RELA: variants seen among roughly 807,000 people sequenced by gnomAD.
RELA encodes the protein transcription factor p65.
A neutral mutation model predicts 56.7 loss-of-function variants in RELA; 14 were observed. The observed-to-expected ratio is 0.25, with a 90% confidence interval of 0.16 to 0.39. The LOEUF (loss-of-function observed/expected upper bound fraction) is 0.39. Ranked by LOEUF, RELA falls within the 10% of genes least tolerant of loss-of-function variation. The probability of loss-of-function intolerance (pLI) is 1.00; values close to 1 mark genes in which losing one functional copy is unlikely to be tolerated. For synonymous variants in RELA, 315 were observed against 289.7 expected, an observed-to-expected ratio of 1.09 and a Z score of -0.89; for missense variants, 559 against 736.4, an observed-to-expected ratio of 0.76 and a Z score of 2.79.
At chr11:65,655,793 C>G (rs756713437) in intron 9 of RELA, 31 bp from the exon 10 acceptor site, 1 of 1,613,482 alleles carries the variant, frequency 6.2e-7, no homozygotes, top group East Asian at 2.2e-5. Flanking sequence ...CAGTTCTCAG[C>G]CCCAGGGTGT....
Position 65,658,854 on chromosome 11 carries a change from G to C in RELA, c.560-32C>G. ...CAGTGAAAACAAGGGAGGATGACCT[G>C]AGCCACGAGAGGTCCCCAGGGTGGC... On this transcript the variant is annotated intron_variant, in intron 6 of 10. Transcript: ENST00000406246. This position sits in a 1 kb window ranked among gnomAD's most constrained non-coding sequence, Gnocchi z 4.5. 1.9e-6 allele frequency: 3 copies of C among 1,573,268 alleles called. No homozygotes were observed. The highest frequency in any genetic ancestry group is 8.7e-7 in the Non-Finnish European group (1 of 1,143,044).
intron 1 of RELA, chr11:65,662,586 G>A (rs1697441679): frequency 2.6e-6 from 1 of 382,286 alleles, no homozygotes. Context: ...CTGAGTCAAG[G>A]TTCCCTCTGC....
At position 65,654,529 on chromosome 11, in the gene RELA, C is replaced by T. The variant is rs1181568528; in HGVS notation, c.1505G>A (p.Arg502His). ...MLMEYPEAIT[R>H]LVTGAQRPPD... ...GGGCCTCTGGGCCCCTGTCACTAGGCGAGTTATAGCCTCAGGGTACTCCAT... is the reference window on the plus strand; with the variant it reads ...GGGCCTCTGGGCCCCTGTCACTAGGTGAGTTATAGCCTCAGGGTACTCCAT... The change falls in exon 11 of 11, where the codon CGC (arginine) becomes CAC (histidine). Residue 502 changes from arginine to histidine, a missense_variant. Around this residue, in one of 4 missense-constraint regions of RELA, gnomAD observed 365 missense variants for 387.5 expected, o/e 0.94. Transcript: ENST00000406246. The T allele has an allele frequency of 1.1e-5, 18 of 1,609,416 alleles. No individual in the cohort carries two copies. Among genetic ancestry groups the T allele is most frequent in the South Asian group, 3.3e-5 (3 of 90,398 alleles).
In RELA at chr11:65,653,988, T is replaced by C; in HGVS notation, c.*390A>G. 3.2e-6 allele frequency: 1 copy of C among 316,618 alleles called. No homozygotes were observed. Among genetic ancestry groups the C allele is most frequent in the South Asian group, 2.6e-5 (1 of 39,066 alleles). 19.6% of individuals were successfully genotyped at this position (316,618 alleles called of 1,614,324 possible). A position where few individuals can be genotyped will look rare whatever the true frequency, so the allele number is the denominator to read the frequency against. ...TGATTAAGCTGTAATGAATCCATGA[T>C]GGAAGACACTTGATAAGGCTTTGTG... On this transcript the variant is annotated 3_prime_UTR_variant, in exon 11 of 11. Transcript: ENST00000406246.
At chr11:65,662,260 G>A (rs1056752653) in intron 1 of RELA, 55 bp from the exon 2 acceptor site, 14 of 1,485,808 alleles carry the variant, frequency 9.4e-6, no homozygotes, top group Admixed American at 2.6e-5. Flanking sequence ...TTCTCACAAG[G>A]AGGAATCTGC....
At chr11:65,659,583 T>C (rs1856511680) in intron 6 of RELA, 83 bp downstream of exon 6, 5 of 1,552,906 alleles carry the variant, frequency 3.2e-6, no homozygotes, top group Admixed American at 3.5e-5. Flanking sequence ...CCAGAGCGCC[T>C]CTTGCAGGCC....
chr11:65,656,955 G>A (rs1028712863), intron 8 of RELA, among the ~76,000 whole-genome samples: 24 of 152,258 alleles, frequency 1.6e-4, no homozygotes, highest in South Asian at 4.1e-4. Flanking sequence ...GAACCCGGGA[G>A]GTGGAGGTTG....
rs2135560590 is a variant in RELA at position 65,658,585 on chromosome 11, C to T, written c.665-86G>A. 2 of 1,407,754 alleles carry T rather than the reference C, an allele frequency of 1.4e-6. No homozygotes were observed. Among genetic ancestry groups the T allele is most frequent in the East Asian group, 2.3e-5 (1 of 43,426 alleles). 87.2% of individuals were successfully genotyped at this position (1,407,754 alleles called of 1,614,324 possible). The stretch of plus-strand genomic sequence containing the variant: ...AACTTCTGATGCTTGTCTTCTGATA[C>T]ATCACCCTTCGGCCCACCTGAGGCC... On this transcript the variant is annotated intron_variant, in intron 7 of 10. Transcript: ENST00000406246. The surrounding 1 kb of genome is among the most constrained non-coding windows in gnomAD (Gnocchi z 4.5).
chr11:65,653,799 GGA>G lies in RELA; in HGVS notation c.*577_*578del, dbSNP rs150653121. On this transcript the variant is annotated 3_prime_UTR_variant, in exon 11 of 11. Transcript: ENST00000406246. ...CCAGACCAAACCCCTTCTGGATCCT[GGA>G]GAGAGCCAGTGCTGTTGCACTGGTT... is the stretch of plus-strand genomic sequence containing the variant. The G allele has an allele frequency of 2.3e-3, 379 of 162,992 alleles. 14 individuals are homozygous for G. The East Asian group carries it at 0.064, about 27-fold the overall frequency. 10.1% of individuals were successfully genotyped at this position (162,992 alleles called of 1,614,324 possible).
At chr11:65,657,104 G>A (rs1208181644) in intron 8 of RELA, among the ~76,000 whole-genome samples, 4 of 152,126 alleles carry the variant, frequency 2.6e-5, no homozygotes, top group Admixed American at 2.0e-4. Flanking sequence ...AACAATACTG[G>A]AAGTGAGGTC....
chr11:65,660,083 G>GT, intron 5 of RELA, 41 bp downstream of exon 5: 1 of 1,575,756 alleles, frequency 6.3e-7, no homozygotes, highest in Non-Finnish European at 8.7e-7. Flanking sequence ...GCTGGGGAGG[G>GT]TGACAGAGGG....
At chr11:65,656,608 A>C (rs1388175985) in intron 8 of RELA, among the ~76,000 whole-genome samples, 1 of 152,166 alleles carries the variant, frequency 6.6e-6, no homozygotes, top group Non-Finnish European at 1.5e-5. Context: ...TCAAGCACCT[A>C]CTATGTGCCA....
upstream of RELA, chr11:65,663,039 A>T (rs891584270): frequency 3.6e-6 from 1 of 280,168 alleles, no homozygotes; most frequent in African/African-American, 2.3e-5. Context: ...AAGAGGCTGC[A>T]CGCACAGCCG....
rs747628708 is a variant in RELA at position 65,655,943 on chromosome 11, A to G, written c.878-8T>C. On this transcript the variant is annotated splice_polypyrimidine_tract_variant and splice_region_variant and intron_variant, in intron 8 of 10. Transcript: ENST00000406246. ...CAATCCGGTGACGATCGTCTGGGAA[A>G]GTAAGGGGGAGAAGTGGGACTTGCT... 6.8e-6 allele frequency: 11 copies of G among 1,613,572 alleles called. No individual in the cohort carries two copies. The highest frequency in any genetic ancestry group is 9.3e-6 in the Non-Finnish European group (11 of 1,179,700).
At chr11:65,657,382 C>T (rs371226623) in intron 8 of RELA, among the ~76,000 whole-genome samples, 15 of 152,180 alleles carry the variant, frequency 9.9e-5, no homozygotes, top group African/African-American at 3.4e-4. Context: ...GCAACATTTC[C>T]AGAATGGCCT....
chr11:65,661,932 C>A lies in RELA; in HGVS notation c.186+5G>T, dbSNP rs777507849. ...CTTCCCCGCACACCCTGGCGCAGTG[C>A]TGACCTTGATGGTGGGGTGGGTCTT... On this transcript the variant is annotated splice_donor_5th_base_variant and intron_variant, in intron 3 of 10. Coordinates refer to ENST00000406246, the MANE Select transcript of RELA (RefSeq NM_021975.4). 1.2e-6 allele frequency: 2 copies of A among 1,612,550 alleles called. No individual in the cohort carries two copies. The highest frequency in any genetic ancestry group is 1.7e-6 in the Non-Finnish European group (2 of 1,179,218).
chr11:65,661,845 G>A lies in RELA; in HGVS notation c.187-10C>T, dbSNP rs771752768. ...CTGTGTAGCCATTGATCTGTCCAAAGTACAGAGGCCCAGACATCCAAACCT... is the reference window on the plus strand; with the variant it reads ...CTGTGTAGCCATTGATCTGTCCAAAATACAGAGGCCCAGACATCCAAACCT... On this transcript the variant is annotated splice_polypyrimidine_tract_variant and intron_variant, in intron 3 of 10. Coordinates refer to ENST00000406246, the MANE Select transcript of RELA (RefSeq NM_021975.4). The A allele has an allele frequency of 5.9e-5, 94 of 1,606,334 alleles. No individual in the cohort carries two copies. Among genetic ancestry groups the A allele is most frequent in the Non-Finnish European group, 7.4e-5 (87 of 1,174,928 alleles).
At position 65,654,656 on chromosome 11, in the gene RELA, G is replaced by C; in HGVS notation, c.1378C>G (p.Pro460Ala). ...GATGCCAGGTCTGTGAACACAGCTG[G>C]GTCTGTGCTGTTGCCAAGCAAGGCC... The part of the protein sequence containing the change: ...LGALLGNSTD[P>A]AVFTDLASVD... The change falls in exon 11 of 11, where the codon CCA becomes GCA. Residue 460 changes from proline (P) to alanine (A), a missense_variant. By Grantham distance (27) the Pro-to-Ala change is conservative. This residue lies in a region of RELA where 365 missense variants were observed against 387.5 expected (regional missense o/e 0.94). Transcript: ENST00000406246. 6.3e-7 allele frequency: 1 copy of C among 1,577,336 alleles called. No homozygotes were observed. The highest frequency in any genetic ancestry group is 8.6e-7 in the Non-Finnish European group (1 of 1,163,434).
upstream of RELA, among the ~76,000 whole-genome samples, chr11:65,663,294 A>G (rs1427858207): frequency 1.3e-5 from 2 of 152,150 alleles, no homozygotes; most frequent in Non-Finnish European, 2.9e-5. Context: ...GCGCAGGGAA[A>G]AGCCCGACCG....
Sources: gnomAD v4.1 joint callset for allele counts (sites outside exome capture counted in the v4.1 genomes callset) on GRCh38, gnomAD v4.1.1 for gene constraint, gnomAD v4.1.1 regional missense constraint, Gnocchi (gnomAD v3.1) non-coding constraint, MANE v1.5 for transcripts, NCBI Gene and HGNC (gene_info 2026-07-23, HGNC 2026-07-21) for gene names.